The following MAGI3 variants were observed in gnomAD, a reference collection of about 807,000 sequenced individuals.
MAGI3 encodes membrane associated guanylate kinase, WW and PDZ domain containing 3, also known as membrane-associated guanylate kinase, WW and PDZ domain-containing protein 3.
Under a neutral mutation model 121.8 loss-of-function variants are expected in MAGI3, and 43 were observed. The ratio of observed to expected loss-of-function variants is 0.35; its 90% CI spans 0.28 to 0.46. The LOEUF (loss-of-function observed/expected upper bound fraction) is 0.46. Ranked by LOEUF, MAGI3 falls within the 20% of genes least tolerant of loss-of-function variation. The pLI, the probability that MAGI3 is intolerant of heterozygous loss-of-function variation, is 1.00. For synonymous variants in MAGI3, 553 were observed against 639.3 expected (o/e 0.86, Z 2.04); for missense variants, 1,547 against 1,797.3 (o/e 0.86, Z 2.52).
intron 20 of MAGI3, 152 bp from the exon 21 acceptor site, chr1:113,682,745 G>A (rs1557891224): frequency 2.0e-6 from 2 of 983,140 alleles, no homozygotes; most frequent in Non-Finnish European, 2.4e-6. Flanking sequence ...CGCCTTTATA[G>A]AGAGATATGT....
At chr1:113,405,363 C>G (rs1445215791) in intron 1 of MAGI3, among the ~76,000 whole-genome samples, 2 of 151,102 alleles carry the variant, frequency 1.3e-5, no homozygotes, top group Non-Finnish European at 2.9e-5. Flanking sequence ...CCTGTATTCC[C>G]AGCTACTTGG....
At chr1:113,485,274 A>G (rs901630087) in intron 1 of MAGI3, among the ~76,000 whole-genome samples, 4 of 152,192 alleles carry the variant, frequency 2.6e-5, no homozygotes, top group African/African-American at 9.7e-5. Context: ...ATTCCCACCA[A>G]CAATGTAAAA....
chr1:113,667,139 C>T (rs557067684), intron 16 of MAGI3, among the ~76,000 whole-genome samples: 11 of 152,160 alleles, frequency 7.2e-5, no homozygotes, highest in African/African-American at 2.7e-4. Context: ...CATGAATTTA[C>T]CAGCTGCATT....
At chr1:113,581,083 C>T (rs1647995009) in intron 3 of MAGI3, 1 of 152,206 alleles carries the variant, frequency 6.6e-6, no homozygotes, top group South Asian at 2.1e-4. Context: ...ACAACAAAAA[C>T]AGAATAATTG....
At chr1:113,613,622 A>C (rs1230984984) in intron 6 of MAGI3, among the ~76,000 whole-genome samples, 1 of 152,178 alleles carries the variant, frequency 6.6e-6, no homozygotes, top group African/African-American at 2.4e-5. Context: ...GTCTTTCAGC[A>C]GAGCAGAAGC....
At chr1:113,564,483 ATTG>A (rs1483565708) in intron 2 of MAGI3, among the ~76,000 whole-genome samples, 7 of 152,328 alleles carry the variant, frequency 4.6e-5, no homozygotes, top group Middle Eastern at 3.4e-3. Flanking sequence ...ATGGTTTACT[ATTG>A]TTGTTATTAT....
At chr1:113,522,373 A>T (rs1045293440) in intron 1 of MAGI3, among the ~76,000 whole-genome samples, 1 of 152,178 alleles carries the variant, frequency 6.6e-6, no homozygotes, top group East Asian at 1.9e-4. Context: ...CCAAAGTGCT[A>T]TGATTACAGG....
intron 12 of MAGI3, among the ~76,000 whole-genome samples, chr1:113,647,132 G>A (rs1225549953): frequency 5.3e-5 from 8 of 152,290 alleles, no homozygotes; most frequent in Admixed American, 3.9e-4. Flanking sequence ...GGATGAAAAA[G>A]TGTCTTTGAG....
chr1:113,622,137 C>G (rs919637466), intron 8 of MAGI3, among the ~76,000 whole-genome samples: 1 of 152,072 alleles, frequency 6.6e-6, no homozygotes, highest in African/African-American at 2.4e-5. Flanking sequence ...TAGATAATGG[C>G]AGAACATTTA....
chr1:113,601,665 G>T (rs938197955), intron 6 of MAGI3, among the ~76,000 whole-genome samples: 1 of 146,704 alleles, frequency 6.8e-6, no homozygotes, highest in Non-Finnish European at 1.5e-5. Context: ...TCAGTGTGGC[G>T]ATTCCTCAGG....
intron 1 of MAGI3, among the ~76,000 whole-genome samples, chr1:113,433,484 C>A (rs1206416074): frequency 5.3e-5 from 8 of 152,108 alleles, no homozygotes; most frequent in Non-Finnish European, 1.5e-5. Context: ...AGGAAATAAC[C>A]TAAAACTTCA....
chr1:113,651,353 G>A (rs577190554), intron 14 of MAGI3, 147 bp downstream of exon 14: 137 of 655,132 alleles, frequency 2.1e-4, no homozygotes, highest in Non-Finnish European at 2.9e-4. Context: ...ACTGTGGAAG[G>A]CTATGCAAAC....
chr1:113,642,523 A>G lies in MAGI3; in HGVS notation c.1966+7A>G. ...TTGCTTATCTTAAGAGGAGGTAAGT[A>G]AAAGCACAACATAGAAAAAGTTTCA... On this transcript the variant is annotated splice_region_variant and intron_variant, in intron 10 of 20. Coordinates refer to ENST00000307546, the MANE Select transcript of MAGI3 (RefSeq NM_001142782.2). 3 of 1,602,146 alleles carry G rather than the reference A, an allele frequency of 1.9e-6. No individual in the cohort carries two copies. Among genetic ancestry groups the G allele is most frequent in the Non-Finnish European group, 2.6e-6 (3 of 1,172,996 alleles).
intron 4 of MAGI3, among the ~76,000 whole-genome samples, chr1:113,587,690 C>T (rs1487259521): frequency 6.6e-6 from 1 of 151,936 alleles, no homozygotes; most frequent in African/African-American, 2.4e-5. Context: ...TATTTTTTTT[C>T]TAAGAAATGG....
intron 1 of MAGI3, among the ~76,000 whole-genome samples, chr1:113,543,969 CCT>C (rs549725529): frequency 6.4e-4 from 97 of 152,008 alleles, no homozygotes; most frequent in Non-Finnish European, 1.2e-3. Context: ...TAAACCATGG[CCT>C]TGGCCTTTAG....
chr1:113,464,222 G>A (rs1016271095), intron 1 of MAGI3, among the ~76,000 whole-genome samples: 1 of 151,570 alleles, frequency 6.6e-6, no homozygotes, highest in Non-Finnish European at 1.5e-5. Flanking sequence ...CACTTTTTTG[G>A]CTCCCACATA....
chr1:113,452,994 G>A (rs1654558903), intron 1 of MAGI3, among the ~76,000 whole-genome samples: 2 of 152,228 alleles, frequency 1.3e-5, no homozygotes, highest in South Asian at 2.1e-4. Flanking sequence ...CACTGTGCAC[G>A]CAAAAGTCAG....
intron 1 of MAGI3, among the ~76,000 whole-genome samples, chr1:113,538,288 G>A (rs1308775030): frequency 2.0e-5 from 3 of 152,150 alleles, no homozygotes; most frequent in Admixed American, 2.0e-4. Context: ...TGGACATTCT[G>A]TTGAAGTGCA....
At chr1:113,650,945 T>C in intron 13 of MAGI3, 69 bp from the exon 14 acceptor site, 1 of 1,404,406 alleles carries the variant, frequency 7.1e-7, no homozygotes, top group Non-Finnish European at 9.9e-7. Context: ...CAATGCTAAG[T>C]TAGGAATTCC....
Sources: gnomAD v4.1 joint callset for allele counts (sites outside exome capture counted in the v4.1 genomes callset) on GRCh38, gnomAD v4.1.1 for gene constraint, MANE v1.5 for transcripts, NCBI Gene and HGNC (gene_info 2026-07-23, HGNC 2026-07-21) for gene names.